GRAMD4: variants seen among roughly 807,000 people sequenced by gnomAD.
GRAMD4 encodes the protein GRAM domain-containing protein 4.
A neutral mutation model predicts 83.9 loss-of-function variants in GRAMD4; 25 were observed. That is an observed-to-expected ratio of 0.30 (90% confidence interval 0.22 to 0.42). The LOEUF is 0.42. Among genes scored for constraint, GRAMD4 ranks in the 10% least tolerant of loss-of-function variants. The pLI is 1.00. For missense variants in GRAMD4, 593 were observed against 788.7 expected (o/e 0.75, Z 2.97); for synonymous variants, 336 against 320.9 (o/e 1.05, Z -0.50).
At chr22:46,627,862 CT>C (rs1265426637) in intron 2 of GRAMD4, among the ~76,000 whole-genome samples, 5 of 152,380 alleles carry the variant, frequency 3.3e-5, no homozygotes, top group African/African-American at 1.2e-4. Flanking sequence ...GGTGGGGCCG[CT>C]TGGCTTCCTG....
At chr22:46,618,785 C>T (rs1008059795), upstream of GRAMD4, among the ~76,000 whole-genome samples, 16 of 152,164 alleles carry the variant, frequency 1.1e-4, no homozygotes, top group African/African-American at 3.4e-4. The surrounding 1 kb of genome is among the most constrained non-coding windows in gnomAD (Gnocchi z 5.8). Flanking sequence ...CGTCTGGAGG[C>T]GTGCGGCCGG....
chr22:46,618,871 T>C (rs908059968), upstream of GRAMD4, among the ~76,000 whole-genome samples: 1 of 152,174 alleles, frequency 6.6e-6, no homozygotes, highest in African/African-American at 2.4e-5. The surrounding 1 kb of genome is among the most constrained non-coding windows in gnomAD (Gnocchi z 5.8). Flanking sequence ...AGACAGCTGG[T>C]GGACACGGTG....
At chr22:46,623,059 C>G (rs2081600302) in intron 1 of GRAMD4, among the ~76,000 whole-genome samples, 1 of 152,126 alleles carries the variant, frequency 6.6e-6, no homozygotes, top group Admixed American at 6.5e-5. Flanking sequence ...ACCGTAAGCC[C>G]ATACTCCCGA....
Position 46,621,460 on chromosome 22 carries a change from G to T in GRAMD4, c.-50+895G>T, listed in dbSNP as rs368967749. On this transcript the variant is annotated intron_variant, in intron 1 of 18. Coordinates refer to ENST00000406902, the MANE Select transcript of GRAMD4 (RefSeq NM_015124.5). This position sits in a 1 kb window ranked among gnomAD's most constrained non-coding sequence, Gnocchi z 5.8. Reference sequence around the variant, plus strand: ...TGGCCGTGGAGGGCACCCCTACCCCGGTGCAGGCGCAGGCTGGAGGCGTAG... The same window carrying T: ...TGGCCGTGGAGGGCACCCCTACCCCTGTGCAGGCGCAGGCTGGAGGCGTAG... Among the ~76,000 whole-genome samples, 2 of 152,110 alleles carry T rather than the reference G, an allele frequency of 1.3e-5. No individual in the cohort carries two copies. The highest frequency in any genetic ancestry group is 4.8e-5 in the African/African-American group (2 of 41,410).
intron 2 of GRAMD4, among the ~76,000 whole-genome samples, chr22:46,631,327 G>T (rs1247732241): frequency 6.6e-6 from 1 of 152,182 alleles, no homozygotes; most frequent in African/African-American, 2.4e-5. Context: ...CCAGCTCCCT[G>T]GTGGGAATTC....
upstream of GRAMD4, among the ~76,000 whole-genome samples, chr22:46,616,128 G>C (rs2147114087): frequency 7.1e-6 from 1 of 141,488 alleles, no homozygotes; most frequent in African/African-American, 2.7e-5. Flanking sequence ...GTGCGTGCAG[G>C]TTCCCCTGTG....
intron 3 of GRAMD4, among the ~76,000 whole-genome samples, chr22:46,651,955 CA>C (rs1342294998): frequency 1.3e-5 from 2 of 152,232 alleles, no homozygotes; most frequent in East Asian, 1.9e-4. Flanking sequence ...CAAGGACTGC[CA>C]GGGGCAGGAA....
In GRAMD4 at chr22:46,666,918, A is replaced by C. The variant is rs1487108017; in HGVS notation, c.858+45A>C. 3.6e-6 allele frequency: 5 copies of C among 1,403,748 alleles called. No homozygotes were observed. The East Asian group carries it at 1.0e-4, about 29-fold the overall frequency. The allele number at this position is 1,403,748 out of a possible 1,614,324, so 87.0% of individuals were successfully genotyped here. ...ACGGTCTCCTCCGACTGTCTCCATCACGTCAGGCCTCACAGCCTGTAGGCA... is the reference window on the plus strand; with the variant it reads ...ACGGTCTCCTCCGACTGTCTCCATCCCGTCAGGCCTCACAGCCTGTAGGCA... On this transcript the variant is annotated intron_variant, in intron 10 of 18. Coordinates refer to ENST00000406902, the MANE Select transcript of GRAMD4 (RefSeq NM_015124.5).
chr22:46,682,445 G>A (rs1286308175), downstream of GRAMD4: 1 of 985,116 alleles, frequency 1.0e-6, no homozygotes, highest in East Asian at 1.1e-4. Flanking sequence ...GAAGCTGCTG[G>A]TACAAAATGA....
chr22:46,579,403 T>C (rs1050676631), intron 1 of GRAMD4, among the ~76,000 whole-genome samples: 16 of 152,318 alleles, frequency 1.1e-4, no homozygotes, highest in African/African-American at 3.6e-4. Context: ...TGCTGTAGAA[T>C]AGAATAGAAT....
At chr22:46,615,653 T>C (rs1233871271), upstream of GRAMD4, among the ~76,000 whole-genome samples, 2 of 92,388 alleles carry the variant, frequency 2.2e-5, no homozygotes, top group African/African-American at 4.2e-5. Context: ...CCTGTGCGTG[T>C]AGGTTCCCCC....
chr22:46,589,086 G>A (rs1014577216), intron 1 of GRAMD4, among the ~76,000 whole-genome samples: 1 of 152,104 alleles, frequency 6.6e-6, no homozygotes, highest in African/African-American at 2.4e-5. Context: ...GGACGGCAGG[G>A]GGCGGGGGGA....
intron 1 of GRAMD4, among the ~76,000 whole-genome samples, chr22:46,602,897 C>T (rs2147058131): frequency 6.6e-6 from 1 of 151,886 alleles, no homozygotes; most frequent in Middle Eastern, 3.4e-3. Flanking sequence ...CACATGCCAC[C>T]ACGCCTGGCT....
chr22:46,623,227 G>C (rs181389431), intron 1 of GRAMD4, among the ~76,000 whole-genome samples: 212 of 152,278 alleles, frequency 1.4e-3, no homozygotes, highest in African/African-American at 4.7e-3. Flanking sequence ...TGCTGGTCTT[G>C]ATGGATGGTG....
chr22:46,631,215 G>A lies in GRAMD4; in HGVS notation c.162+4254G>A, dbSNP rs1239909131. On this transcript the variant is annotated intron_variant, in intron 2 of 18. Transcript: ENST00000406902. ...CTGTCAGTGTGCAGTTCAGGGGCAC[G>A]GAGCACATGCCCTCTGTTGTGCCAC... is the stretch of plus-strand genomic sequence containing the variant. Among the ~76,000 whole-genome samples, 4 of 152,302 alleles carry A rather than the reference G, an allele frequency of 2.6e-5. No individual in the cohort carries two copies. In the East Asian group the frequency reaches 5.8e-4, roughly 22 times the overall value.
chr22:46,578,525 A>C (rs1025167806), intron 1 of GRAMD4, among the ~76,000 whole-genome samples: 1 of 152,116 alleles, frequency 6.6e-6, no homozygotes, highest in East Asian at 1.9e-4. Flanking sequence ...TTGGGGTTCA[A>C]AATGGGTTTA....
rs151304612 is a variant in GRAMD4 at position 46,609,141 on chromosome 22, A to AT, written c.-49-17601dup. Among the ~76,000 whole-genome samples the AT allele has an allele frequency of 6.2e-3, 931 of 150,984 alleles. 6 individuals are homozygous for AT. Among genetic ancestry groups the AT allele is most frequent in the Non-Finnish European group, 9.6e-3 (649 of 67,712 alleles). On this transcript the variant is annotated intron_variant, in intron 1 of 1. Transcript: ENST00000431155. The stretch of plus-strand genomic sequence containing the variant: ...AACAACAACCCGAAAAGCCCAAAAC[A>AT]TTTTTTTTTGTTTTTTCTTGGCTCT...
intron 1 of GRAMD4, among the ~76,000 whole-genome samples, chr22:46,612,161 G>T (rs543615826): frequency 6.6e-6 from 1 of 152,028 alleles, no homozygotes; most frequent in Non-Finnish European, 1.5e-5. Context: ...ACACCATCCC[G>T]CCTGGCTAAC....
intron 2 of GRAMD4, among the ~76,000 whole-genome samples, chr22:46,637,613 G>T (rs985907278): frequency 2.0e-5 from 3 of 152,212 alleles, no homozygotes; most frequent in African/African-American, 7.2e-5. Context: ...AGATGTCCCT[G>T]CTCCCCACAG....
Sources: allele counts gnomAD v4.1 joint callset (sites outside exome capture counted in the v4.1 genomes callset), GRCh38; gene constraint gnomAD v4.1.1; non-coding constraint Gnocchi (gnomAD v3.1); transcripts MANE v1.5; gene names NCBI Gene and HGNC (gene_info 2026-07-23, HGNC 2026-07-21).